The following TLE1 variants were observed in gnomAD, a reference collection of about 807,000 sequenced individuals.
TLE1 encodes the protein transducin-like enhancer protein 1.
Under a neutral mutation model 89.8 loss-of-function variants are expected in TLE1, and 21 were observed. That is an observed-to-expected ratio of 0.23 (90% CI 0.17 to 0.34). The LOEUF (loss-of-function observed/expected upper bound fraction) is 0.34. TLE1 is among the 10% of genes least tolerant of loss of function. The pLI is 1.00. For missense variants in TLE1, 795 were observed against 1,031.2 expected (o/e 0.77, Z 3.14); for synonymous variants, 447 against 407.6 (o/e 1.10, Z -1.16).
chr9:81,677,032 T>C (rs1324729357), intron 4 of TLE1, among the ~76,000 whole-genome samples: 1 of 145,474 alleles, frequency 6.9e-6, no homozygotes, highest in Non-Finnish European at 1.5e-5. Flanking sequence ...AGGCCAGGAG[T>C]TCAAGACCAG....
At chr9:81,688,194 A>C (rs1588293111) in intron 1 of TLE1, 23 bp downstream of exon 1, 4 of 1,598,508 alleles carry the variant, frequency 2.5e-6, no homozygotes, top group East Asian at 2.4e-5. Flanking sequence ...CTGGCCCCCC[A>C]CCACCACCCA....
rs568223155 is a variant in TLE1, at chr9:81,612,611, C to G, written c.1064-652G>C. On this transcript the variant is annotated intron_variant, in intron 12 of 19. Transcript: ENST00000376499. ...CCTCCCCTAGCAGAAAACCAGCAAA[C>G]TATAGTCTGCAAGGAGCACGGTTGG... is the stretch of plus-strand genomic sequence containing the variant. Among the ~76,000 whole-genome samples the G allele has an allele frequency of 9.2e-5, 14 of 152,258 alleles. No individual in the cohort carries two copies. The South Asian group carries it at 2.9e-3, about 32-fold the overall frequency.
At chr9:81,672,304 C>G (rs1439138537) in intron 4 of TLE1, among the ~76,000 whole-genome samples, 1 of 151,668 alleles carries the variant, frequency 6.6e-6, no homozygotes, top group African/African-American at 2.4e-5. Context: ...AATGGCTCTG[C>G]CTTTCTCCCC....
chr9:81,602,761 C>CA (rs1375301300), intron 14 of TLE1, among the ~76,000 whole-genome samples: 3 of 151,896 alleles, frequency 2.0e-5, no homozygotes, highest in Non-Finnish European at 4.4e-5. Context: ...GGAAGGAAGA[C>CA]AACACTCAGC....
intron 14 of TLE1, among the ~76,000 whole-genome samples, chr9:81,598,321 T>A (rs1291664439): frequency 6.6e-6 from 1 of 152,014 alleles, no homozygotes; most frequent in Non-Finnish European, 1.5e-5. Context: ...TCCCTCCCGC[T>A]AGAACAGCAC....
intron 4 of TLE1, among the ~76,000 whole-genome samples, chr9:81,680,066 C>T (rs1053857935): frequency 2.0e-5 from 3 of 152,168 alleles, no homozygotes; most frequent in African/African-American, 7.2e-5. Flanking sequence ...AAGGACGCTC[C>T]TCAATTTGCA....
chr9:81,634,320 A>G lies in TLE1; in HGVS notation c.373-19T>C, dbSNP rs578022065. The G allele has an allele frequency of 3.2e-5, 47 of 1,472,330 alleles. 1 individual carries two copies. The allele number at this position is 1,472,330 out of a possible 1,614,324, so 91.2% of individuals were successfully genotyped here. A position where few individuals can be genotyped will look rare whatever the true frequency, so the allele number is the denominator to read the frequency against. On this transcript the variant is annotated intron_variant, in intron 6 of 19. Transcript: ENST00000376499. ...GCTGCTGCTGTTGGTGGTGGTGGTG[A>G]GAGAGAAAAAGGAGGAGGAGGAGGA...
intron 14 of TLE1, among the ~76,000 whole-genome samples, chr9:81,593,958 T>A (rs946517952): frequency 6.6e-6 from 1 of 152,180 alleles, no homozygotes; most frequent in Admixed American, 6.5e-5. Flanking sequence ...CCGGTCTCCT[T>A]TAGCCCAGCC....
intron 4 of TLE1, among the ~76,000 whole-genome samples, chr9:81,667,689 A>C (rs1362210081): frequency 2.7e-5 from 4 of 150,860 alleles, no homozygotes; most frequent in African/African-American, 7.3e-5. Context: ...TCAGCGGGGA[A>C]GTCCCAGCCC....
intron 4 of TLE1, among the ~76,000 whole-genome samples, chr9:81,681,234 A>G (rs375105369): frequency 6.6e-6 from 1 of 152,112 alleles, no homozygotes; most frequent in African/African-American, 2.4e-5. Flanking sequence ...TTTCAGAGCT[A>G]GTCTTTTCAT....
intron 14 of TLE1, among the ~76,000 whole-genome samples, chr9:81,602,067 A>G (rs925763343): frequency 6.6e-6 from 1 of 152,188 alleles, no homozygotes; most frequent in African/African-American, 2.4e-5. Context: ...ATAGATGGGA[A>G]GGCATCCATG....
rs76822827 is a variant in TLE1 at position 81,637,385 on chromosome 9, T to C, written c.373-3084A>G. 2.6e-3 allele frequency among the ~76,000 whole-genome samples: 392 copies of C among 152,274 alleles called. 4 individuals are homozygous for C. Among genetic ancestry groups the C allele is most frequent in the African/African-American group, 9.0e-3 (375 of 41,580 alleles). On this transcript the variant is annotated intron_variant, in intron 6 of 19. Transcript: ENST00000376499. ...AAAAGAAAAAAGATGAACTGGGTAGTAGATTCTGATATCTTACTGTGAAGA... is the reference window on the plus strand; with the variant it reads ...AAAAGAAAAAAGATGAACTGGGTAGCAGATTCTGATATCTTACTGTGAAGA...
At position 81,616,705 on chromosome 9, in the gene TLE1, A is replaced by T. The variant is rs1824557786; in HGVS notation, c.712-6T>A. The T allele has an allele frequency of 6.2e-7, 1 of 1,614,040 alleles. No homozygotes were observed. The highest frequency in any genetic ancestry group is 1.7e-5 in the Admixed American group (1 of 60,000). On this transcript the variant is annotated splice_polypyrimidine_tract_variant and splice_region_variant and intron_variant, in intron 9 of 19. Transcript: ENST00000376499. ...CTTTTGTCACCATCACTGTCCTGGA[A>T]AAAAGAAACATTAACGCCATTTACT... is the stretch of plus-strand genomic sequence containing the variant.
At chr9:81,688,058 T>A (rs1834584848) in intron 1 of TLE1, among the ~76,000 whole-genome samples, 159 bp downstream of exon 1, 1 of 151,542 alleles carries the variant, frequency 6.6e-6, no homozygotes, top group African/African-American at 2.4e-5. Flanking sequence ...TTCGGCCCAC[T>A]CCCCACCCCA....
At chr9:81,611,161 T>C (rs1823656549) in intron 13 of TLE1, among the ~76,000 whole-genome samples, 1 of 152,180 alleles carries the variant, frequency 6.6e-6, no homozygotes. Context: ...GCAGTTTTGT[T>C]TCTTCTTGTT....
intron 14 of TLE1, among the ~76,000 whole-genome samples, chr9:81,596,176 C>G (rs1830183560): frequency 6.6e-6 from 1 of 152,160 alleles, no homozygotes; most frequent in Non-Finnish European, 1.5e-5. Context: ...CACTTCTCTC[C>G]CAGGTGTCCT....
rs538177459 is a variant in TLE1 at position 81,593,258 on chromosome 9, C to T, written c.1348G>A (p.Val450Ile). ...PGGKPAYSFH[V>I]TADGQMQPVP... ...GGCTGCATCTGACCGTCTGCAGTAACGTGGAAGGAGTATGCACTTTTGGAA... is the reference window on the plus strand; with the variant it reads ...GGCTGCATCTGACCGTCTGCAGTAATGTGGAAGGAGTATGCACTTTTGGAA... Residue 450 changes from valine to isoleucine, a missense_variant, in exon 15 of 20, where the codon GTT (valine) becomes ATT (isoleucine). Val to Ile is a conservative substitution (Grantham distance 29). Coordinates refer to ENST00000376499, the MANE Select transcript of TLE1 (RefSeq NM_005077.5). The T allele has an allele frequency of 2.3e-5, 37 of 1,612,886 alleles. No individual in the cohort carries two copies. The highest frequency in any genetic ancestry group is 2.0e-4 in the African/African-American group (15 of 74,958).
Position 81,615,105 on chromosome 9 carries a change from AAAAAAAAAAAAAAAAAG to A in TLE1, c.918+860_918+876del, listed in dbSNP as rs1323038950. 1.0e-3 allele frequency among the ~76,000 whole-genome samples: 125 copies of A among 125,150 alleles called. 4 individuals carry two copies. The highest frequency in any genetic ancestry group is 3.1e-3 in the African/African-American group (105 of 33,352). The allele number at this position is 125,150 out of a possible 152,430, so 82.1% of individuals were successfully genotyped here. A position where few individuals can be genotyped will look rare whatever the true frequency, so the allele number is the denominator to read the frequency against. On this transcript the variant is annotated intron_variant, in intron 11 of 19. Coordinates refer to ENST00000376499, the MANE Select transcript of TLE1 (RefSeq NM_005077.5). ...TCAAAAAAAAAAAAAAAAAAAAAAAAAAAAAAAAAAAAAAAAGAAGAAGAAGAAGAAGGCAATGAACA... is the reference window on the plus strand; with the variant it reads ...TCAAAAAAAAAAAAAAAAAAAAAAAAAAGAAGAAGAAGAAGGCAATGAACA...
At chr9:81,598,640 T>A (rs1041599172) in intron 14 of TLE1, among the ~76,000 whole-genome samples, 1 of 152,120 alleles carries the variant, frequency 6.6e-6, no homozygotes, top group Non-Finnish European at 1.5e-5. Context: ...CATTCCTCTC[T>A]AAGCCCCTGG....
Sources: gnomAD v4.1 joint callset for allele counts (sites outside exome capture counted in the v4.1 genomes callset) on GRCh38, gnomAD v4.1.1 for gene constraint, MANE v1.5 for transcripts, NCBI Gene and HGNC (gene_info 2026-07-23, HGNC 2026-07-21) for gene names.